Variants in ADGRB3 observed in about 807,000 individuals in gnomAD.
ADGRB3 encodes the protein adhesion G protein-coupled receptor B3.
ADGRB3 carries 37 observed loss-of-function variants against 193.4 expected under a neutral mutation model. The observed-to-expected ratio is 0.19, with a 90% CI of 0.15 to 0.25. The LOEUF (loss-of-function observed/expected upper bound fraction) is 0.25. Among genes scored for constraint, ADGRB3 ranks in the 10% least tolerant of loss-of-function variants. The pLI, the probability that ADGRB3 is intolerant of heterozygous loss-of-function variation, is 1.00. For missense variants in ADGRB3, 1,637 were observed against 1,852.9 expected (o/e 0.88, Z 2.14); for synonymous variants, 690 against 644.2 (o/e 1.07, Z -1.08).
At chr6:68,971,790 C>G (rs370087561) in intron 8 of ADGRB3, among the ~76,000 whole-genome samples, 1 of 152,230 alleles carries the variant, frequency 6.6e-6, no homozygotes, top group East Asian at 1.9e-4. Flanking sequence ...CATTTACTAA[C>G]TTTTCTTCTT....
At chr6:69,164,584 T>G (rs1370482294) in intron 17 of ADGRB3, among the ~76,000 whole-genome samples, 3 of 152,040 alleles carry the variant, frequency 2.0e-5, no homozygotes, top group Non-Finnish European at 4.4e-5. Context: ...AGGCAAGCAT[T>G]AGCACCAGCC....
chr6:69,233,462 A>AT, intron 18 of ADGRB3, 46 bp downstream of exon 18: 2 of 1,610,096 alleles, frequency 1.2e-6, no homozygotes, highest in Non-Finnish European at 8.5e-7. Flanking sequence ...AGACAGGGAT[A>AT]TTGTGGCTAG....
intron 17 of ADGRB3, among the ~76,000 whole-genome samples, chr6:69,192,077 T>C (rs145007244): frequency 5.9e-5 from 9 of 152,228 alleles, no homozygotes; most frequent in African/African-American, 2.2e-4. Flanking sequence ...ATGGAACTAA[T>C]AGGATGGAAG....
At chr6:69,259,252 A>G (rs189751009) in intron 20 of ADGRB3, among the ~76,000 whole-genome samples, 66 of 152,308 alleles carry the variant, frequency 4.3e-4, no homozygotes, top group African/African-American at 1.5e-3. Context: ...AGCTGGGCCT[A>G]CAAGAAGGAT....
chr6:68,947,202 A>T (rs1196782141), intron 6 of ADGRB3, among the ~76,000 whole-genome samples: 1 of 152,028 alleles, frequency 6.6e-6, no homozygotes, highest in Admixed American at 6.6e-5. Context: ...ATCTATACTA[A>T]TAATTAAAAT....
intron 3 of ADGRB3, among the ~76,000 whole-genome samples, chr6:68,922,584 A>G (rs1230326320): frequency 1.3e-5 from 2 of 152,196 alleles, no homozygotes; most frequent in African/African-American, 4.8e-5. Context: ...GAGATAGCCT[A>G]TATGTTCATG....
At chr6:68,926,308 A>G (rs1297186308) in intron 3 of ADGRB3, among the ~76,000 whole-genome samples, 1 of 152,114 alleles carries the variant, frequency 6.6e-6, no homozygotes, top group Non-Finnish European at 1.5e-5. Context: ...TCCATTTTTA[A>G]TTCAAAGCCA....
chr6:68,827,376 A>G (rs981433093), intron 3 of ADGRB3, among the ~76,000 whole-genome samples: 1 of 152,120 alleles, frequency 6.6e-6, no homozygotes, highest in Non-Finnish European at 1.5e-5. Flanking sequence ...GTGATTTTTT[A>G]AAAAAATAAT....
intron 15 of ADGRB3, among the ~76,000 whole-genome samples, chr6:69,056,490 G>T (rs1771548758): frequency 3.3e-5 from 5 of 151,930 alleles, no homozygotes; most frequent in South Asian, 2.1e-4. Flanking sequence ...TTAATTTGAT[G>T]AAGTCCTATT....
At chr6:69,331,690 A>G (rs1423934454) in intron 23 of ADGRB3, 1 of 985,376 alleles carries the variant, frequency 1.0e-6, no homozygotes, top group South Asian at 4.7e-5. Flanking sequence ...TAATCAACTG[A>G]ACTATTTCCC....
chr6:68,820,050 A>G (rs1767720107), intron 3 of ADGRB3, among the ~76,000 whole-genome samples: 1 of 152,026 alleles, frequency 6.6e-6, no homozygotes, highest in South Asian at 2.1e-4. Flanking sequence ...TTTTCCTCAA[A>G]GTAGCTTCCA....
intron 17 of ADGRB3, among the ~76,000 whole-genome samples, chr6:69,170,943 A>G (rs1158539777): frequency 2.0e-5 from 3 of 152,202 alleles, no homozygotes; most frequent in Non-Finnish European, 4.4e-5. Context: ...ATATAATGTA[A>G]GCTACATACA....
At chr6:69,152,487 C>T (rs373782441) in intron 17 of ADGRB3, among the ~76,000 whole-genome samples, 4 of 152,238 alleles carry the variant, frequency 2.6e-5, no homozygotes, top group East Asian at 1.9e-4. Flanking sequence ...ATCTAATCTG[C>T]GATTCTGTAA....
intron 20 of ADGRB3, among the ~76,000 whole-genome samples, chr6:69,286,383 C>G (rs1004786854): frequency 6.6e-6 from 1 of 152,132 alleles, no homozygotes; most frequent in Non-Finnish European, 1.5e-5. Context: ...ATCCTGGGCC[C>G]TCTTGCTTTC....
chr6:68,840,319 A>G (rs1008816929), intron 3 of ADGRB3, among the ~76,000 whole-genome samples: 1 of 142,480 alleles, frequency 7.0e-6, no homozygotes, highest in African/African-American at 2.7e-5. Context: ...CTTGCAACTT[A>G]GATACTACAT....
At chr6:68,859,500 GA>G (rs1765091638) in intron 3 of ADGRB3, among the ~76,000 whole-genome samples, 1 of 152,068 alleles carries the variant, frequency 6.6e-6, no homozygotes, top group African/African-American at 2.4e-5. Flanking sequence ...AATTTATAAA[GA>G]AAAGTTTAAT....
intron 3 of ADGRB3, among the ~76,000 whole-genome samples, chr6:68,666,770 T>G (rs369599370): frequency 7.2e-5 from 11 of 151,902 alleles, no homozygotes; most frequent in African/African-American, 2.7e-4. Context: ...TATTTTGAAC[T>G]TAATAAATGT....
chr6:69,147,364 G>T (rs956436696), intron 17 of ADGRB3, among the ~76,000 whole-genome samples: 3 of 152,032 alleles, frequency 2.0e-5, no homozygotes, highest in South Asian at 2.1e-4. Context: ...TTTGTTTCAA[G>T]ATATATTTCA....
At chr6:68,724,630 T>G (rs141094773) in intron 3 of ADGRB3, among the ~76,000 whole-genome samples, 2 of 151,180 alleles carry the variant, frequency 1.3e-5, no homozygotes, top group African/African-American at 4.8e-5. Flanking sequence ...TTTTTAGAGA[T>G]GTGATTCTGA....
Sources: allele counts gnomAD v4.1 joint callset (sites outside exome capture counted in the v4.1 genomes callset), GRCh38; gene constraint gnomAD v4.1.1; transcripts MANE v1.5; gene names NCBI Gene and HGNC (gene_info 2026-07-23, HGNC 2026-07-21).